Variants in PLCXD3 observed in about 807,000 individuals in gnomAD.
PLCXD3 encodes phosphatidylinositol specific phospholipase C X domain containing 3, also known as PI-PLC X domain-containing protein 3.
PLCXD3 carries 19 observed loss-of-function variants against 25.5 expected under a neutral mutation model. The ratio of observed to expected loss-of-function variants is 0.75; its 90% confidence interval spans 0.52 to 1.09. The LOEUF is 1.09. Ranked by LOEUF, PLCXD3 falls within the 50% of genes least tolerant of loss-of-function variation. The probability of loss-of-function intolerance (pLI) is 0.00; values close to 1 mark genes in which losing one functional copy is unlikely to be tolerated. For synonymous variants in PLCXD3, 174 were observed against 137.6 expected, an observed-to-expected ratio of 1.26 and a Z score of -1.85; for missense variants, 411 against 388.1, an observed-to-expected ratio of 1.06 and a Z score of -0.50.
intron 2 of PLCXD3, among the ~76,000 whole-genome samples, chr5:41,375,221 T>C (rs939436118): frequency 2.0e-5 from 3 of 152,208 alleles, no homozygotes; most frequent in African/African-American, 7.2e-5. Context: ...GCACAAAATC[T>C]GTGGCCTAGA....
At chr5:41,478,799 AAG>A (rs1293358283) in intron 1 of PLCXD3, among the ~76,000 whole-genome samples, 1 of 152,220 alleles carries the variant, frequency 6.6e-6, no homozygotes, top group African/African-American at 2.4e-5. Context: ...GCTGTACAGG[AAG>A]CATGGTTGGG....
intron 2 of PLCXD3, among the ~76,000 whole-genome samples, chr5:41,371,527 T>C (rs1395188967): frequency 6.6e-6 from 1 of 152,170 alleles, no homozygotes; most frequent in Non-Finnish European, 1.5e-5. Flanking sequence ...TGACAGCATC[T>C]GATCTACAGC....
chr5:41,319,835 A>G (rs1171168060), intron 2 of PLCXD3, among the ~76,000 whole-genome samples: 1 of 152,168 alleles, frequency 6.6e-6, no homozygotes, highest in Non-Finnish European at 1.5e-5. Flanking sequence ...TTTGTTGAAA[A>G]GTTAAGCACA....
intron 2 of PLCXD3, among the ~76,000 whole-genome samples, chr5:41,340,045 T>C (rs1268352029): frequency 1.3e-5 from 2 of 152,194 alleles, no homozygotes; most frequent in Non-Finnish European, 2.9e-5. Context: ...TATGTGTTTC[T>C]GGAATCTCAG....
At chr5:41,466,956 A>G (rs893272639) in intron 1 of PLCXD3, among the ~76,000 whole-genome samples, 3 of 152,130 alleles carry the variant, frequency 2.0e-5, no homozygotes, top group Non-Finnish European at 4.4e-5. Flanking sequence ...CTATTCATAC[A>G]TTGATAGACA....
chr5:41,320,788 G>T (rs1350209519), intron 2 of PLCXD3, among the ~76,000 whole-genome samples: 1 of 152,190 alleles, frequency 6.6e-6, no homozygotes, highest in Non-Finnish European at 1.5e-5. Flanking sequence ...GAGCCACTGC[G>T]CCCGGCCACA....
chr5:41,466,969 T>C (rs1228495464), intron 1 of PLCXD3, among the ~76,000 whole-genome samples: 4 of 152,132 alleles, frequency 2.6e-5, no homozygotes. Flanking sequence ...GATAGACACT[T>C]AGGTTGATTC....
At chr5:41,372,609 C>T (rs1745136953) in intron 2 of PLCXD3, among the ~76,000 whole-genome samples, 2 of 152,048 alleles carry the variant, frequency 1.3e-5, no homozygotes, top group African/African-American at 4.8e-5. Flanking sequence ...AGGATGAACT[C>T]CCTCCTCTGT....
intron 1 of PLCXD3, among the ~76,000 whole-genome samples, chr5:41,410,474 G>A (rs1162143504): frequency 6.6e-6 from 1 of 150,424 alleles, no homozygotes; most frequent in African/African-American, 2.4e-5. Context: ...TGATTCCCTG[G>A]ACCGTGAATT....
chr5:41,456,037 A>G (rs1216769352), intron 1 of PLCXD3, among the ~76,000 whole-genome samples: 1 of 151,966 alleles, frequency 6.6e-6, no homozygotes, highest in East Asian at 1.9e-4. Flanking sequence ...GGAGTAAAAA[A>G]AAATAGGGGT....
intron 1 of PLCXD3, among the ~76,000 whole-genome samples, chr5:41,463,549 G>T (rs1463457544): frequency 6.6e-6 from 1 of 151,890 alleles, no homozygotes; most frequent in Non-Finnish European, 1.5e-5. Flanking sequence ...ACTTTAAAAA[G>T]AATATAACTG....
chr5:41,375,425 A>C (rs1180370698), intron 2 of PLCXD3, among the ~76,000 whole-genome samples: 1 of 152,100 alleles, frequency 6.6e-6, no homozygotes, highest in African/African-American at 2.4e-5. Context: ...ACTGGGAGCC[A>C]GGAGTCCTGA....
chr5:41,485,488 G>T (rs947202156), intron 1 of PLCXD3, among the ~76,000 whole-genome samples: 2 of 152,150 alleles, frequency 1.3e-5, no homozygotes, highest in African/African-American at 2.4e-5. Context: ...TTTGAAGAAA[G>T]AAGGCTATAT....
At chr5:41,369,158 G>C (rs546753047) in intron 2 of PLCXD3, among the ~76,000 whole-genome samples, 1 of 152,250 alleles carries the variant, frequency 6.6e-6, no homozygotes, top group African/African-American at 2.4e-5. Flanking sequence ...TGCTCTGCTT[G>C]TGAACGGCAG....
intron 1 of PLCXD3, among the ~76,000 whole-genome samples, chr5:41,407,612 T>A (rs910777183): frequency 6.6e-6 from 1 of 152,164 alleles, no homozygotes; most frequent in Non-Finnish European, 1.5e-5. Flanking sequence ...TTTTATGTCA[T>A]TAAAGACAAC....
intron 1 of PLCXD3, among the ~76,000 whole-genome samples, chr5:41,388,148 C>T (rs566477648): frequency 3.2e-4 from 49 of 151,956 alleles, no homozygotes; most frequent in South Asian, 2.3e-3. Context: ...ACATACAATC[C>T]TTGCCCTCAA....
At chr5:41,352,876 T>C (rs761973006) in intron 2 of PLCXD3, among the ~76,000 whole-genome samples, 1 of 152,186 alleles carries the variant, frequency 6.6e-6, no homozygotes, top group Non-Finnish European at 1.5e-5. Context: ...TCACTGATTG[T>C]AGAATACTTC....
intron 1 of PLCXD3, among the ~76,000 whole-genome samples, chr5:41,438,764 C>A (rs1023537102): frequency 2.7e-5 from 4 of 150,632 alleles, no homozygotes; most frequent in African/African-American, 9.8e-5. Context: ...ATAGCTAGTC[C>A]TTTGGAGCTT....
chr5:41,341,436 T>C (rs1331695373), intron 2 of PLCXD3, among the ~76,000 whole-genome samples: 1 of 152,196 alleles, frequency 6.6e-6, no homozygotes, highest in Non-Finnish European at 1.5e-5. Flanking sequence ...TTAGATATAA[T>C]CACGACTATG....
Sources: allele counts gnomAD v4.1 joint callset (sites outside exome capture counted in the v4.1 genomes callset), GRCh38; gene constraint gnomAD v4.1.1; transcripts MANE v1.5; gene names NCBI Gene and HGNC (gene_info 2026-07-23, HGNC 2026-07-21).